WWOX: variants seen among roughly 807,000 people sequenced by gnomAD.
WWOX encodes the protein WW domain-containing oxidoreductase.
Under a neutral mutation model 46.2 loss-of-function variants are expected in WWOX, and 69 were observed. The ratio of observed to expected loss-of-function variants is 1.49; its 90% CI spans 1.23 to 1.82. The LOEUF (loss-of-function observed/expected upper bound fraction) is 1.82. Among genes scored for constraint, WWOX ranks in the 40% most tolerant of loss-of-function variants. The pLI is 0.00. For synonymous variants in WWOX, 359 were observed against 202.6 expected, an observed-to-expected ratio of 1.77 and a Z score of -6.56; for missense variants, 919 against 542.6, an observed-to-expected ratio of 1.69 and a Z score of -6.89.
chr16:79,110,371 C>G (rs1006305995), intron 8 of WWOX, among the ~76,000 whole-genome samples: 1 of 152,132 alleles, frequency 6.6e-6, no homozygotes, highest in Non-Finnish European at 1.5e-5. Context: ...GAGAGGCCAT[C>G]AAATGTAGCT....
chr16:78,331,820 G>A (rs1268002248), intron 5 of WWOX, among the ~76,000 whole-genome samples: 1 of 150,166 alleles, frequency 6.7e-6, no homozygotes, highest in Admixed American at 6.7e-5. Context: ...GGCATTCATT[G>A]CTTTATTTAA....
At chr16:78,454,885 C>G (rs568498199) in intron 8 of WWOX, among the ~76,000 whole-genome samples, 1 of 152,316 alleles carries the variant, frequency 6.6e-6, no homozygotes, top group African/African-American at 2.4e-5. Flanking sequence ...TTGGTTTCAC[C>G]ACCCCGCTAG....
intron 8 of WWOX, among the ~76,000 whole-genome samples, chr16:78,655,415 A>G (rs2047058479): frequency 6.6e-6 from 1 of 152,214 alleles, no homozygotes; most frequent in Admixed American, 6.5e-5. Context: ...AAGTAATTAG[A>G]TCCATAATGT....
At chr16:78,623,467 G>A (rs958782425) in intron 8 of WWOX, among the ~76,000 whole-genome samples, 2 of 152,134 alleles carry the variant, frequency 1.3e-5, no homozygotes, top group Admixed American at 1.3e-4. Context: ...ATCACCTGAG[G>A]TCATGAGTTC....
intron 8 of WWOX, among the ~76,000 whole-genome samples, chr16:79,006,279 GAGA>G (rs1423890142): frequency 6.6e-6 from 1 of 152,196 alleles, no homozygotes; most frequent in Non-Finnish European, 1.5e-5. Flanking sequence ...GGGAATGGAG[GAGA>G]AGATGTGAAG....
intron 8 of WWOX, among the ~76,000 whole-genome samples, chr16:79,193,131 C>T (rs1015172698): frequency 2.6e-5 from 4 of 152,200 alleles, no homozygotes; most frequent in African/African-American, 9.6e-5. Flanking sequence ...ACTTCATTCT[C>T]TTGTGGGTGC....
At chr16:78,635,267 G>C (rs1161836727) in intron 8 of WWOX, among the ~76,000 whole-genome samples, 5 of 152,100 alleles carry the variant, frequency 3.3e-5, no homozygotes, top group African/African-American at 9.7e-5. Context: ...TAAGTATTTT[G>C]CCTGTTGGAC....
At chr16:78,724,310 G>A (rs1280424175) in intron 8 of WWOX, among the ~76,000 whole-genome samples, 1 of 152,124 alleles carries the variant, frequency 6.6e-6, no homozygotes, top group Non-Finnish European at 1.5e-5. Flanking sequence ...CATTATCTCT[G>A]TGATTAACTT....
intron 5 of WWOX, among the ~76,000 whole-genome samples, chr16:78,241,729 CA>C (rs1476656066): frequency 2.0e-5 from 3 of 152,104 alleles, no homozygotes; most frequent in African/African-American, 4.8e-5. Context: ...CGTGAACCAC[CA>C]CGCCCCTCAC....
At chr16:78,795,839 C>T (rs932851850) in intron 8 of WWOX, among the ~76,000 whole-genome samples, 29 of 151,832 alleles carry the variant, frequency 1.9e-4, no homozygotes, top group Admixed American at 3.3e-4. Flanking sequence ...GAGTGGCTAG[C>T]GTATAGTGAG....
At chr16:78,875,281 G>C (rs1160892540) in intron 8 of WWOX, among the ~76,000 whole-genome samples, 2 of 152,042 alleles carry the variant, frequency 1.3e-5, no homozygotes, top group Admixed American at 6.5e-5. Context: ...TCAAGTAATA[G>C]GTTTCTGTTA....
At chr16:79,081,312 C>T (rs2048756230) in intron 8 of WWOX, among the ~76,000 whole-genome samples, 2 of 152,096 alleles carry the variant, frequency 1.3e-5, no homozygotes, top group African/African-American at 2.4e-5. Flanking sequence ...TACAGGTGTG[C>T]ACCACTATGC....
chr16:78,726,184 C>T (rs1164560803), intron 8 of WWOX, among the ~76,000 whole-genome samples: 6 of 146,738 alleles, frequency 4.1e-5, no homozygotes, highest in African/African-American at 1.3e-4. Context: ...TTCTCTCTCT[C>T]TCTCTTTCCT....
chr16:79,156,194 C>A (rs903459449), intron 8 of WWOX, among the ~76,000 whole-genome samples: 1 of 152,156 alleles, frequency 6.6e-6, no homozygotes, highest in African/African-American at 2.4e-5. Context: ...CAAGGTCTCA[C>A]TCTGTTGCCC....
chr16:78,823,031 G>C (rs1597672133), intron 8 of WWOX, among the ~76,000 whole-genome samples: 2 of 152,232 alleles, frequency 1.3e-5, no homozygotes, highest in South Asian at 2.1e-4. Context: ...TATTCAACTT[G>C]GAAAACAGGG....
intron 8 of WWOX, among the ~76,000 whole-genome samples, chr16:79,030,603 T>A (rs2151394799): frequency 6.6e-6 from 1 of 152,358 alleles, no homozygotes; most frequent in South Asian, 2.1e-4. Context: ...AGGTTTGGCT[T>A]CTCCAAAGAT....
rs150003098 is a variant in WWOX at position 78,300,607 on chromosome 16, G to A, written c.517-86253G>A. Among the ~76,000 whole-genome samples, 219 of 150,796 alleles carry A rather than the reference G, an allele frequency of 1.5e-3. 3 individuals are homozygous for A. The East Asian group carries it at 0.03, about 21-fold the overall frequency. ...CTGACATCTCCAAATAGTTTTTCAT[G>A]CAATGGCATTACTAATGGCTTGACT... On this transcript the variant is annotated intron_variant, in intron 5 of 8. Transcript: ENST00000566780.
intron 8 of WWOX, among the ~76,000 whole-genome samples, chr16:78,757,818 C>G (rs1256435182): frequency 2.0e-5 from 3 of 151,978 alleles, no homozygotes; most frequent in Non-Finnish European, 4.4e-5. Context: ...AAGAGATCAT[C>G]TTTCTTCAGC....
At chr16:79,050,985 A>G (rs951269551) in intron 8 of WWOX, among the ~76,000 whole-genome samples, 3 of 152,232 alleles carry the variant, frequency 2.0e-5, no homozygotes, top group African/African-American at 7.2e-5. Flanking sequence ...TGTGAACACA[A>G]GACACTGACC....
Sources: allele counts gnomAD v4.1 joint callset (sites outside exome capture counted in the v4.1 genomes callset), GRCh38; gene constraint gnomAD v4.1.1; transcripts MANE v1.5; gene names NCBI Gene and HGNC (gene_info 2026-07-23, HGNC 2026-07-21).